PLEKHA5: variants seen among roughly 807,000 people sequenced by gnomAD.
The protein encoded by PLEKHA5 is pleckstrin homology domain-containing family A member 5.
In PLEKHA5, 55 loss-of-function variants were observed where a neutral mutation model predicts 181.9. The ratio of observed to expected loss-of-function variants is 0.30; its 90% CI spans 0.24 to 0.38. PLEKHA5 has a LOEUF of 0.38. Ranked by LOEUF, PLEKHA5 falls within the 10% of genes least tolerant of loss-of-function variation. PLEKHA5 has a pLI of 1.00. For missense variants in PLEKHA5, 1,432 were observed against 1,549.5 expected (o/e 0.92, Z 1.27); for synonymous variants, 535 against 529.4 (o/e 1.01, Z -0.15).
chr12:19,284,639 T>G (rs1312108559), intron 12 of PLEKHA5, among the ~76,000 whole-genome samples: 1 of 152,222 alleles, frequency 6.6e-6, no homozygotes, highest in Non-Finnish European at 1.5e-5. Context: ...TTGCTTAGTA[T>G]AGATTATTTG....
intron 21 of PLEKHA5, among the ~76,000 whole-genome samples, chr12:19,341,788 A>G (rs2093949659): frequency 6.6e-6 from 1 of 151,916 alleles, no homozygotes; most frequent in African/African-American, 2.4e-5. Context: ...GCTGGAGGAC[A>G]GTGGCACGAT....
chr12:19,206,808 T>G (rs2055653707), intron 3 of PLEKHA5, among the ~76,000 whole-genome samples: 1 of 152,150 alleles, frequency 6.6e-6, no homozygotes, highest in African/African-American at 2.4e-5. Context: ...AAGAAATCTA[T>G]TCCCACTTCT....
At chr12:19,278,792 G>C (rs2075301262) in intron 11 of PLEKHA5, among the ~76,000 whole-genome samples, 1 of 152,052 alleles carries the variant, frequency 6.6e-6, no homozygotes, top group Non-Finnish European at 1.5e-5. Flanking sequence ...AGAGCAATTG[G>C]GTACCTTTCT....
In PLEKHA5 at chr12:19,269,862, A is replaced by G; in HGVS notation, c.804A>G (p.Leu268=). ...TGAAAGCCATGTTAGATGCTGCCCT[A>G]GTACAGACAGAACCTGTGAAAAGGT... ...LWMKAMLDAA[L]VQTEPVKRIT... The change falls in exon 9 of 32, where the codon CTA becomes CTG. Residue 268 remains leucine (L), a synonymous_variant. Transcript: ENST00000429027. 1 of 1,586,050 alleles carries G rather than the reference A, an allele frequency of 6.3e-7. No individual in the cohort carries two copies.
intron 18 of PLEKHA5, among the ~76,000 whole-genome samples, chr12:19,321,351 TTTTC>T (rs2090703714): frequency 6.1e-5 from 5 of 81,630 alleles, no homozygotes; most frequent in African/African-American, 1.7e-4. Context: ...TTTTCTTTTC[TTTTC>T]TTTTCTTTTT....
Position 19,354,021 on chromosome 12 carries a change from ATCT to A in PLEKHA5, c.3138+23_3138+25del, listed in dbSNP as rs763366905. 3.4e-6 allele frequency: 4 copies of A among 1,165,480 alleles called. No homozygotes were observed. The highest frequency in any genetic ancestry group is 2.4e-5 in the East Asian group (1 of 42,450). The allele number at this position is 1,165,480 out of a possible 1,614,324, so 72.2% of individuals were successfully genotyped here. On this transcript the variant is annotated intron_variant, in intron 26 of 31. Coordinates refer to ENST00000429027, the MANE Select transcript of PLEKHA5 (RefSeq NM_001256470.2). ...AAGAACGGTATTTAACTGGAAATTAATCTTCTAGGAAGATTCTCACATCTATTT... is the reference window on the plus strand; with the variant it reads ...AAGAACGGTATTTAACTGGAAATTAATCTAGGAAGATTCTCACATCTATTT...
At chr12:19,204,586 T>G (rs1309842606) in intron 3 of PLEKHA5, among the ~76,000 whole-genome samples, 1 of 152,166 alleles carries the variant, frequency 6.6e-6, no homozygotes, top group Non-Finnish European at 1.5e-5. Context: ...TTTTGCTGAT[T>G]TTTGTGCCAT....
At chr12:19,241,532 G>A (rs908419183) in intron 3 of PLEKHA5, among the ~76,000 whole-genome samples, 3 of 152,106 alleles carry the variant, frequency 2.0e-5, no homozygotes, top group Non-Finnish European at 2.9e-5. Flanking sequence ...CGAGGCGGGC[G>A]GATCACTTGA....
intron 3 of PLEKHA5, among the ~76,000 whole-genome samples, chr12:19,185,258 C>T (rs1404789866): frequency 2.0e-5 from 3 of 152,074 alleles, no homozygotes; most frequent in Non-Finnish European, 4.4e-5. Flanking sequence ...ACTCCTTATT[C>T]AGTACTTGTT....
At chr12:19,153,943 A>G (rs2151353722) in intron 3 of PLEKHA5, 1 of 152,326 alleles carries the variant, frequency 6.6e-6, no homozygotes, top group East Asian at 1.9e-4. Context: ...GGTTAGAATC[A>G]GTCATGGAGA....
chr12:19,252,514 T>C (rs1476829881), intron 3 of PLEKHA5, among the ~76,000 whole-genome samples: 2 of 152,168 alleles, frequency 1.3e-5, no homozygotes, highest in Non-Finnish European at 2.9e-5. Flanking sequence ...AGGGTTTTTT[T>C]CCTTCTTTCA....
chr12:19,271,167 G>A (rs1592273023), intron 10 of PLEKHA5, among the ~76,000 whole-genome samples: 2 of 152,150 alleles, frequency 1.3e-5, no homozygotes, highest in African/African-American at 4.8e-5. Flanking sequence ...ATAAAGATGA[G>A]GTGGTTAGCA....
intron 13 of PLEKHA5, among the ~76,000 whole-genome samples, chr12:19,288,792 A>G (rs2077774659): frequency 6.6e-6 from 1 of 152,238 alleles, no homozygotes; most frequent in Admixed American, 6.5e-5. Context: ...TAAATAGCAT[A>G]CCACAAATGT....
At chr12:19,240,441 T>C (rs903834495) in intron 3 of PLEKHA5, among the ~76,000 whole-genome samples, 1 of 104,248 alleles carries the variant, frequency 9.6e-6, no homozygotes, top group East Asian at 2.5e-4. Context: ...CATTAGGGAG[T>C]TTTTTTTTTT....
chr12:19,369,708 C>A lies in PLEKHA5; in HGVS notation c.3770C>A (p.Pro1257Gln). The part of the protein sequence containing the change: ...NQTMAVKSLS[P>Q]SPESSASPVP... Reference sequence around the variant, plus strand: ...TGTGTTTTAGTGAAAAGTCTGTCCCCATCTCCTGAGTCCTCGGCATCGCCA... The same window carrying A: ...TGTGTTTTAGTGAAAAGTCTGTCCCAATCTCCTGAGTCCTCGGCATCGCCA... Residue 1257 changes from proline to glutamine, a missense_variant, in exon 31 of 32, where the codon CCA becomes CAA. Coordinates refer to ENST00000429027, the MANE Select transcript of PLEKHA5 (RefSeq NM_001256470.2). 1 of 1,609,806 alleles carries A rather than the reference C, an allele frequency of 6.2e-7. No individual in the cohort carries two copies. Among genetic ancestry groups the A allele is most frequent in the South Asian group, 1.1e-5 (1 of 90,620 alleles).
At chr12:19,354,485 G>GTTT (rs36094874) in intron 26 of PLEKHA5, among the ~76,000 whole-genome samples, 4 of 109,578 alleles carry the variant, frequency 3.7e-5, no homozygotes, top group Admixed American at 9.7e-5. Context: ...AAAAAAAATT[G>GTTT]TTTTTTTTTT....
intron 3 of PLEKHA5, among the ~76,000 whole-genome samples, chr12:19,179,110 G>T (rs909812526): frequency 7.9e-5 from 12 of 152,102 alleles, no homozygotes; most frequent in African/African-American, 2.9e-4. Flanking sequence ...TAATTCCTTT[G>T]CACTGGGAAA....
chr12:19,252,423 G>A (rs2065584142), intron 3 of PLEKHA5, among the ~76,000 whole-genome samples: 1 of 152,054 alleles, frequency 6.6e-6, no homozygotes, highest in Non-Finnish European at 1.5e-5. Flanking sequence ...ATGACTTAAT[G>A]AAAATTATTA....
intron 3 of PLEKHA5, among the ~76,000 whole-genome samples, chr12:19,141,054 A>G (rs1197386240): frequency 6.6e-6 from 1 of 152,116 alleles, no homozygotes; most frequent in African/African-American, 2.4e-5. Flanking sequence ...TTGGCCTTCC[A>G]AAGTGCTGGG....
Sources: gnomAD v4.1 joint callset for allele counts (sites outside exome capture counted in the v4.1 genomes callset) on GRCh38, gnomAD v4.1.1 for gene constraint, MANE v1.5 for transcripts, NCBI Gene and HGNC (gene_info 2026-07-23, HGNC 2026-07-21) for gene names.